CBX1: variants seen among roughly 807,000 people sequenced by gnomAD.
The protein encoded by CBX1 is chromobox protein homolog 1.
A neutral mutation model predicts 25.1 loss-of-function variants in CBX1; 10 were observed. That is an observed-to-expected ratio of 0.40 (90% CI 0.25 to 0.68). The LOEUF (loss-of-function observed/expected upper bound fraction) is 0.68. CBX1 is among the 30% of genes least tolerant of loss of function. The probability of loss-of-function intolerance (pLI) is 0.40; values close to 1 mark genes in which losing one functional copy is unlikely to be tolerated. For missense variants in CBX1, 106 were observed against 218.5 expected, an observed-to-expected ratio of 0.49 and a Z score of 3.25; for synonymous variants, 63 against 79.4, an observed-to-expected ratio of 0.79 and a Z score of 1.10.
chr17:48,085,369 G>C (rs2063306820), intron 1 of CBX1, among the ~76,000 whole-genome samples: 1 of 152,092 alleles, frequency 6.6e-6, no homozygotes, highest in Admixed American at 6.6e-5. Flanking sequence ...GCAAGGCTAG[G>C]CTAAATGCCC....
At chr17:48,084,200 TCC>T (rs1481020703) in intron 1 of CBX1, among the ~76,000 whole-genome samples, 2 of 131,822 alleles carry the variant, frequency 1.5e-5, no homozygotes, top group African/African-American at 3.0e-5. Context: ...TCTCTTTCTT[TCC>T]TTTTTTTTTT....
intron 1 of CBX1, among the ~76,000 whole-genome samples, chr17:48,077,494 T>G (rs911052607): frequency 6.7e-6 from 1 of 149,926 alleles, no homozygotes; most frequent in East Asian, 2.0e-4. Flanking sequence ...CACTATGTGT[T>G]GGCCAGGTTG....
At chr17:48,081,693 C>T (rs760742835) in intron 1 of CBX1, among the ~76,000 whole-genome samples, 3 of 152,132 alleles carry the variant, frequency 2.0e-5, no homozygotes, top group Admixed American at 6.6e-5. Flanking sequence ...CTGCCTGCCT[C>T]GGCCTCCCAA....
Position 48,076,984 on chromosome 17 carries a change from C to T in CBX1, c.21G>A (p.Lys7=), listed in dbSNP as rs762873265. The change falls in exon 2 of 5, where the codon AAG becomes AAA. Residue 7 remains lysine (K), a synonymous_variant. Transcript: ENST00000225603. MGKKQN[K]KKVEEVLEEE... ...CTTCTAGCACCTCCTCCACTTTCTT[C>T]TTGTTTTGTTTTTTCCCCATAGTGC... is the stretch of plus-strand genomic sequence containing the variant. The T allele has an allele frequency of 6.2e-7, 1 of 1,613,224 alleles. No individual in the cohort carries two copies. The highest frequency in any genetic ancestry group is 2.2e-5 in the East Asian group (1 of 44,796).
chr17:48,072,700 G>A (rs376288798), intron 4 of CBX1, among the ~76,000 whole-genome samples: 5 of 151,804 alleles, frequency 3.3e-5, no homozygotes, highest in African/African-American at 4.8e-5. Flanking sequence ...GGAGAATGGC[G>A]TGAAACTGGG....
At chr17:48,089,032 C>T (rs1057245135) in intron 1 of CBX1, among the ~76,000 whole-genome samples, 1 of 151,800 alleles carries the variant, frequency 6.6e-6, no homozygotes, top group African/African-American at 2.4e-5. Context: ...CCCAAGGAAT[C>T]CAGGAACAGC....
chr17:48,096,811 G>A (rs1409240824), intron 1 of CBX1, among the ~76,000 whole-genome samples: 1 of 151,922 alleles, frequency 6.6e-6, no homozygotes, highest in African/African-American at 2.4e-5. Context: ...CACCACAGTG[G>A]GCCAGGTGCA....
chr17:48,098,109 T>C (rs1046366434), intron 1 of CBX1, among the ~76,000 whole-genome samples: 1 of 151,978 alleles, frequency 6.6e-6, no homozygotes, highest in Non-Finnish European at 1.5e-5. Context: ...AAAGAAGCCA[T>C]GCATGGTGGC....
intron 1 of CBX1, among the ~76,000 whole-genome samples, chr17:48,079,652 C>T (rs1337519167): frequency 6.6e-6 from 1 of 152,074 alleles, no homozygotes; most frequent in Non-Finnish European, 1.5e-5. Flanking sequence ...CGCCACCATG[C>T]CTGGCTAATT....
intron 2 of CBX1, among the ~76,000 whole-genome samples, chr17:48,076,478 G>C (rs2037675597): frequency 6.6e-6 from 1 of 152,138 alleles, no homozygotes; most frequent in African/African-American, 2.4e-5. Flanking sequence ...GCCCAGGTGG[G>C]AGGACTGCTT....
rs1174529365 is a variant in CBX1, at chr17:48,071,321, C to T, written c.*114G>A. ...CTGCAGGGCACAGAAACTATACTGGCTCTTCAAAGGACATCTTCTCAAGCC... is the reference window on the plus strand; with the variant it reads ...CTGCAGGGCACAGAAACTATACTGGTTCTTCAAAGGACATCTTCTCAAGCC... On this transcript the variant is annotated 3_prime_UTR_variant, in exon 5 of 5. Transcript: ENST00000225603. The T allele has an allele frequency of 4.7e-6, 5 of 1,066,170 alleles. No individual in the cohort carries two copies. The East Asian group carries it at 1.0e-4, about 21-fold the overall frequency. The allele number at this position is 1,066,170 out of a possible 1,614,324, so 66.0% of individuals were successfully genotyped here.
intron 1 of CBX1, among the ~76,000 whole-genome samples, chr17:48,087,872 C>CAAAAAAAAAAAAAAAAAAA (rs531431865): frequency 1.1e-5 from 1 of 89,478 alleles, no homozygotes. Flanking sequence ...GACTCAGTCT[C>CAAAAAAAAAAAAAAAAAAA]AAAAAAAAAA....
At chr17:48,078,767 C>T (rs898318282) in intron 1 of CBX1, among the ~76,000 whole-genome samples, 4 of 146,022 alleles carry the variant, frequency 2.7e-5, no homozygotes, top group African/African-American at 5.1e-5. Flanking sequence ...GGATTACAAG[C>T]GTGAGCCACC....
chr17:48,077,066 G>GA, intron 1 of CBX1, 25 bp from the exon 2 acceptor site: 2 of 1,547,330 alleles, frequency 1.3e-6, no homozygotes, highest in Non-Finnish European at 1.7e-6. Context: ...GAAATAAAAA[G>GA]GGCATTAGGG....
chr17:48,091,535 C>CTTTTTTT (rs4053473), intron 1 of CBX1, among the ~76,000 whole-genome samples: 5 of 72,186 alleles, frequency 6.9e-5, no homozygotes, highest in African/African-American at 1.6e-4. Flanking sequence ...CCACCATGCC[C>CTTTTTTT]TTTTTTTTTT....
chr17:48,071,317 C>T lies in CBX1; in HGVS notation c.*118G>A, dbSNP rs2037623092. The T allele has an allele frequency of 9.6e-7, 1 of 1,040,066 alleles. No homozygotes were observed. The highest frequency in any genetic ancestry group is 1.4e-6 in the Non-Finnish European group (1 of 726,104). 64.4% of individuals were successfully genotyped at this position (1,040,066 alleles called of 1,614,324 possible). On this transcript the variant is annotated 3_prime_UTR_variant, in exon 5 of 5. Coordinates refer to ENST00000225603, the MANE Select transcript of CBX1 (RefSeq NM_001127228.2). ...GCTGCTGCAGGGCACAGAAACTATA[C>T]TGGCTCTTCAAAGGACATCTTCTCA... is the stretch of plus-strand genomic sequence containing the variant.
chr17:48,092,706 A>G (rs1317646589), intron 1 of CBX1, among the ~76,000 whole-genome samples: 4 of 151,408 alleles, frequency 2.6e-5, no homozygotes, highest in Non-Finnish European at 5.9e-5. Flanking sequence ...CTTACCTCAG[A>G]CTCCCAAAGT....
chr17:48,086,857 G>A (rs1439060251), intron 1 of CBX1, among the ~76,000 whole-genome samples: 2 of 150,580 alleles, frequency 1.3e-5, no homozygotes, highest in African/African-American at 2.4e-5. Context: ...GTGAGACTTC[G>A]TCTCAAAAAA....
intron 1 of CBX1, among the ~76,000 whole-genome samples, chr17:48,091,663 C>T (rs1163513009): frequency 6.6e-6 from 1 of 151,722 alleles, no homozygotes; most frequent in Non-Finnish European, 1.5e-5. Flanking sequence ...GTCTCAGCCC[C>T]ACCAAATAGC....
Sources: gnomAD v4.1 joint callset for allele counts (sites outside exome capture counted in the v4.1 genomes callset) on GRCh38, gnomAD v4.1.1 for gene constraint, MANE v1.5 for transcripts, NCBI Gene and HGNC (gene_info 2026-07-23, HGNC 2026-07-21) for gene names.